Variants in MTSS1 observed in about 807,000 individuals in gnomAD.
The protein encoded by MTSS1 is protein MTSS 1.
Under a neutral mutation model 79.0 loss-of-function variants are expected in MTSS1, and 18 were observed. The ratio of observed to expected loss-of-function variants is 0.23; its 90% CI spans 0.16 to 0.34. The LOEUF (loss-of-function observed/expected upper bound fraction) is 0.34. MTSS1 is among the 10% of genes least tolerant of loss of function. MTSS1 has a pLI of 1.00. For missense variants in MTSS1, 815 were observed against 986.2 expected (o/e 0.83, Z 2.33); for synonymous variants, 341 against 368.6 (o/e 0.93, Z 0.86).
intron 3 of MTSS1, among the ~76,000 whole-genome samples, chr8:124,691,231 T>G (rs1444927521): frequency 2.2e-5 from 1 of 45,884 alleles, no homozygotes; most frequent in Non-Finnish European, 4.4e-5. Context: ...TAAAACAATA[T>G]TTTTTTTACA....
Position 124,580,503 on chromosome 8 carries a change from A to G in MTSS1, c.460+4584T>C. 2 of 1,534,670 alleles carry G rather than the reference A, an allele frequency of 1.3e-6. 1 individual carries two copies. The highest frequency in any genetic ancestry group is 2.4e-5 in the South Asian group (2 of 84,012). ...GGACAACCACGGAAAGCCCACAGCAAGGACCACACCGTGAGCAGCCACCAG... is the reference window on the plus strand; with the variant it reads ...GGACAACCACGGAAAGCCCACAGCAGGGACCACACCGTGAGCAGCCACCAG... On this transcript the variant is annotated intron_variant, in intron 6 of 13. Transcript: ENST00000518547.
rs138145251 is a variant in MTSS1 at position 124,553,152 on chromosome 8, G to A, written c.2108C>T (p.Pro703Leu). Residue 703 changes from proline to leucine, a missense_variant, in exon 14 of 14, where the codon CCA becomes CTA. By Grantham distance (98) the Pro-to-Leu change is moderately conservative. Transcript: ENST00000518547. This position sits in a 1 kb window ranked among gnomAD's most constrained non-coding sequence, Gnocchi z 6.0. ...CTGGCCTGGGGAGACAGTGGCACTT[G>A]GGGGTTCCCGTTCCTGGTCTTCAGC... ...SEAEDQEREP[P>L]SATVSPGQIP... The A allele has an allele frequency of 4.3e-6, 7 of 1,614,058 alleles. No homozygotes were observed. The East Asian group carries it at 1.1e-4, about 26-fold the overall frequency.
intron 1 of MTSS1, among the ~76,000 whole-genome samples, chr8:124,719,805 G>A (rs965241685): frequency 1.3e-5 from 2 of 152,144 alleles, no homozygotes; most frequent in African/African-American, 2.4e-5. Context: ...AAATAGATAC[G>A]AGCATTTATT....
chr8:124,625,551 C>T (rs1814496248), intron 3 of MTSS1, among the ~76,000 whole-genome samples: 1 of 152,212 alleles, frequency 6.6e-6, no homozygotes, highest in South Asian at 2.1e-4. Flanking sequence ...AGGCGGCTTT[C>T]ATGGCGAAGT....
At chr8:124,653,352 T>C (rs1820347458) in intron 3 of MTSS1, among the ~76,000 whole-genome samples, 2 of 152,252 alleles carry the variant, frequency 1.3e-5, no homozygotes, top group South Asian at 4.1e-4. Flanking sequence ...TAACTTTTCA[T>C]ATGTTATGTC....
intron 3 of MTSS1, among the ~76,000 whole-genome samples, chr8:124,605,062 C>T (rs750438867): frequency 2.6e-5 from 4 of 152,160 alleles, no homozygotes; most frequent in Non-Finnish European, 4.4e-5. Flanking sequence ...AAACACATTC[C>T]GACAGGGAGG....
chr8:124,561,198 G>A (rs1825223716), intron 10 of MTSS1, among the ~76,000 whole-genome samples: 1 of 152,194 alleles, frequency 6.6e-6, no homozygotes, highest in Non-Finnish European at 1.5e-5. Flanking sequence ...TTGGGAGACC[G>A]AGGTGGGCGG....
At chr8:124,635,559 G>C (rs1816822455) in intron 3 of MTSS1, among the ~76,000 whole-genome samples, 1 of 152,190 alleles carries the variant, frequency 6.6e-6, no homozygotes. Flanking sequence ...TCCCTACCCA[G>C]AGCACAGAAG....
chr8:124,585,571 C>T (rs1245605840), intron 5 of MTSS1, among the ~76,000 whole-genome samples: 5 of 151,990 alleles, frequency 3.3e-5, no homozygotes, highest in East Asian at 1.9e-4. Context: ...CCCACCACCA[C>T]GCCCAGCTAA....
intron 3 of MTSS1, among the ~76,000 whole-genome samples, chr8:124,648,716 C>CCCG (rs371799128): frequency 1.3e-5 from 2 of 151,728 alleles, no homozygotes; most frequent in Non-Finnish European, 2.9e-5. Flanking sequence ...GCAGCCCCCC[C>CCCG]CCAGATACTG....
chr8:124,694,845 C>T (rs772220677), intron 3 of MTSS1, among the ~76,000 whole-genome samples: 3 of 152,018 alleles, frequency 2.0e-5, no homozygotes, highest in Non-Finnish European at 2.9e-5. Context: ...TCTTTGTGTT[C>T]AATAATACAG....
In MTSS1 at chr8:124,597,822, C is replaced by T. The variant is rs1346293103; in HGVS notation, c.209-6587G>A. 6.6e-6 allele frequency among the ~76,000 whole-genome samples: 1 copy of T among 152,174 alleles called. No homozygotes were observed. Among genetic ancestry groups the T allele is most frequent in the Non-Finnish European group, 1.5e-5 (1 of 68,038 alleles). ...GCTGTTCCCGAGAGCTGACATTGCTCGAAGGCTAATTAGGAGCCAGACAGA... is the reference window on the plus strand; with the variant it reads ...GCTGTTCCCGAGAGCTGACATTGCTTGAAGGCTAATTAGGAGCCAGACAGA... On this transcript the variant is annotated intron_variant, in intron 3 of 13. Coordinates refer to ENST00000518547, the MANE Select transcript of MTSS1 (RefSeq NM_014751.6). This position sits in a 1 kb window ranked among gnomAD's most constrained non-coding sequence, Gnocchi z 4.6.
intron 3 of MTSS1, among the ~76,000 whole-genome samples, chr8:124,645,440 A>G (rs1313385336): frequency 6.6e-6 from 1 of 152,212 alleles, no homozygotes; most frequent in Non-Finnish European, 1.5e-5. Flanking sequence ...ATAAGGCTCC[A>G]ATGAATGTTG....
intron 3 of MTSS1, among the ~76,000 whole-genome samples, chr8:124,639,295 G>T: frequency 6.6e-6 from 1 of 152,238 alleles, no homozygotes; most frequent in South Asian, 2.1e-4. Context: ...CCAAGATCAC[G>T]CCACTGCACT....
In MTSS1 at chr8:124,727,006, A is replaced by C. The variant is rs1331002692; in HGVS notation, c.72+878T>G. 6.6e-6 allele frequency among the ~76,000 whole-genome samples: 1 copy of C among 152,188 alleles called. No individual in the cohort carries two copies. Among genetic ancestry groups the C allele is most frequent in the Non-Finnish European group, 1.5e-5 (1 of 68,038 alleles). On this transcript the variant is annotated intron_variant, in intron 1 of 13. Transcript: ENST00000518547. This position sits in a 1 kb window ranked among gnomAD's most constrained non-coding sequence, Gnocchi z 4.7. Reference sequence around the variant, plus strand: ...GCCCTGGTCTATCTCTAGGCACCAGAAAATCCACATCCGAGGATCAGGTTA... The same window carrying C: ...GCCCTGGTCTATCTCTAGGCACCAGCAAATCCACATCCGAGGATCAGGTTA...
intron 3 of MTSS1, among the ~76,000 whole-genome samples, chr8:124,611,104 A>AG (rs1179151509): frequency 2.4e-5 from 3 of 123,372 alleles, no homozygotes; most frequent in African/African-American, 1.1e-4. Context: ...CCCACCAGAC[A>AG]GACCCCCCCC....
intron 3 of MTSS1, among the ~76,000 whole-genome samples, chr8:124,640,110 A>G (rs1350545068): frequency 1.3e-5 from 2 of 152,202 alleles, no homozygotes. Flanking sequence ...AGAGGAGGAA[A>G]CTGAATGTCT....
At chr8:124,675,578 T>C (rs1021028510) in intron 3 of MTSS1, among the ~76,000 whole-genome samples, 1 of 152,252 alleles carries the variant, frequency 6.6e-6, no homozygotes, top group Admixed American at 6.5e-5. Context: ...ATGTGAGTAA[T>C]GACCACCTCT....
chr8:124,703,036 T>A (rs1465564525), intron 2 of MTSS1, among the ~76,000 whole-genome samples: 1 of 152,156 alleles, frequency 6.6e-6, no homozygotes, highest in Non-Finnish European at 1.5e-5. Context: ...ATAATTTACA[T>A]ACCATAAAAT....
Sources: allele counts gnomAD v4.1 joint callset (sites outside exome capture counted in the v4.1 genomes callset), GRCh38; gene constraint gnomAD v4.1.1; non-coding constraint Gnocchi (gnomAD v3.1); transcripts MANE v1.5; gene names NCBI Gene and HGNC (gene_info 2026-07-23, HGNC 2026-07-21).